ARID2: variants seen among roughly 807,000 people sequenced by gnomAD.
The protein encoded by ARID2 is AT-rich interaction domain 2.
ARID2 carries 32 observed loss-of-function variants against 184.6 expected under a neutral mutation model. The ratio of observed to expected loss-of-function variants is 0.17; its 90% CI spans 0.13 to 0.23. The LOEUF is 0.23. Ranked by LOEUF, ARID2 falls within the 10% of genes least tolerant of loss-of-function variation. The pLI is 1.00. For missense variants in ARID2, 1,696 were observed against 2,197.6 expected (o/e 0.77, Z 4.56); for synonymous variants, 836 against 772.6 (o/e 1.08, Z -1.36).
At chr12:45,823,792 A>C (rs1414886478) in intron 6 of ARID2, among the ~76,000 whole-genome samples, 3 of 152,168 alleles carry the variant, frequency 2.0e-5, no homozygotes, top group African/African-American at 7.2e-5. Context: ...ATCAGTAATA[A>C]AAAGTTTCTC....
chr12:45,799,948 C>A (rs1942464273), intron 3 of ARID2, among the ~76,000 whole-genome samples: 1 of 152,124 alleles, frequency 6.6e-6, no homozygotes, highest in Non-Finnish European at 1.5e-5. Context: ...TTCCCAGGCT[C>A]AAGTGATTCT....
chr12:45,736,872 T>C (rs1042611607), intron 3 of ARID2, among the ~76,000 whole-genome samples: 2 of 152,218 alleles, frequency 1.3e-5, no homozygotes, highest in Non-Finnish European at 2.9e-5. Context: ...GAAACATTAC[T>C]ACTTCTCTTC....
chr12:45,811,140 C>T (rs1386874538), intron 3 of ARID2, among the ~76,000 whole-genome samples: 2 of 150,588 alleles, frequency 1.3e-5, no homozygotes, highest in African/African-American at 2.4e-5. Flanking sequence ...TCCCTGGAGG[C>T]GGAGCTTGCA....
intron 3 of ARID2, among the ~76,000 whole-genome samples, chr12:45,793,356 CTTTTTTA>C (rs1942328868): frequency 1.3e-5 from 2 of 148,226 alleles, no homozygotes; most frequent in African/African-American, 2.5e-5. Flanking sequence ...CTTTTTTTCT[CTTTTTTA>C]TCTTGTTTGA....
rs748742970 is a variant in ARID2, at chr12:45,817,913, T to C, written c.637+25T>C. 6 of 1,558,132 alleles carry C rather than the reference T, an allele frequency of 3.9e-6. No homozygotes were observed. The East Asian group carries it at 9.1e-5, about 24-fold the overall frequency. On this transcript the variant is annotated intron_variant, in intron 5 of 20. Coordinates refer to ENST00000334344, the MANE Select transcript of ARID2 (RefSeq NM_152641.4). ...AGTAAGTTTTAAGCTGAATGTATTA[T>C]ATAATTCTTCTGTAAAAGTTTTTTT...
At chr12:45,763,718 T>C (rs1385434331) in intron 3 of ARID2, among the ~76,000 whole-genome samples, 1 of 152,148 alleles carries the variant, frequency 6.6e-6, no homozygotes. Flanking sequence ...TTTCAGCTCC[T>C]GGCCTCAAGC....
intron 20 of ARID2, among the ~76,000 whole-genome samples, chr12:45,902,535 ATT>A (rs113598888): frequency 2.8e-5 from 4 of 145,390 alleles, no homozygotes; most frequent in Admixed American, 6.9e-5. Flanking sequence ...TATTTTGTAA[ATT>A]TTTTTTTTTT....
At chr12:45,777,630 C>A (rs1192659149) in intron 3 of ARID2, among the ~76,000 whole-genome samples, 1 of 151,694 alleles carries the variant, frequency 6.6e-6, no homozygotes, top group Non-Finnish European at 1.5e-5. Context: ...TGAGTCTATC[C>A]CTAATTATCT....
chr12:45,874,376 T>G (rs1943976459), intron 16 of ARID2: 2 of 180,004 alleles, frequency 1.1e-5, no homozygotes, highest in South Asian at 2.5e-4. Context: ...ACCCTGCTGC[T>G]ATGTTATCAA....
chr12:45,857,698 T>C (rs1391000009), intron 15 of ARID2, among the ~76,000 whole-genome samples: 5 of 152,178 alleles, frequency 3.3e-5, no homozygotes, highest in Admixed American at 6.5e-5. Flanking sequence ...TCTATTACTG[T>C]CTTAATTCTC....
At position 45,877,698 on chromosome 12, in the gene ARID2, GTC is replaced by G. The variant is rs199814176; in HGVS notation, c.4923-14081_4923-14080del. ...CCTTATACTATGTCCTTTACATACT[GTC>G]ACTCATTTCACTTATCTGTAAGCTA... On this transcript the variant is annotated intron_variant, in intron 16 of 20. Transcript: ENST00000334344. Among the ~76,000 whole-genome samples, 920 of 152,060 alleles carry G rather than the reference GTC, an allele frequency of 6.1e-3. 16 individuals carry two copies. Among genetic ancestry groups the G allele is most frequent in the African/African-American group, 0.021 (858 of 41,452 alleles).
intron 3 of ARID2, among the ~76,000 whole-genome samples, chr12:45,762,112 T>G (rs948118328): frequency 1.3e-5 from 2 of 152,236 alleles, no homozygotes; most frequent in Non-Finnish European, 2.9e-5. Flanking sequence ...TATGACTGTT[T>G]AAAGTTTTTT....
chr12:45,854,323 CA>C (rs977907012), intron 15 of ARID2, among the ~76,000 whole-genome samples: 7 of 152,126 alleles, frequency 4.6e-5, no homozygotes, highest in African/African-American at 1.7e-4. Flanking sequence ...TGTATCACCC[CA>C]AAACCATCTC....
rs148899436 is a variant in ARID2 at position 45,810,693 on chromosome 12, G to T, written c.285-725G>T. On this transcript the variant is annotated intron_variant, in intron 3 of 20. Transcript: ENST00000334344. ...ATTCTCAGAAAATATACTCAGGTTT[G>T]CACATGAACCTGTTGTTATTGCTGA... Among the ~76,000 whole-genome samples, 1,246 of 152,200 alleles carry T rather than the reference G, an allele frequency of 8.2e-3. 18 individuals are homozygous for T. The highest frequency in any genetic ancestry group is 0.029 in the African/African-American group (1,200 of 41,524).
At chr12:45,753,031 C>T (rs572202365) in intron 3 of ARID2, among the ~76,000 whole-genome samples, 11 of 152,216 alleles carry the variant, frequency 7.2e-5, no homozygotes, top group African/African-American at 2.2e-4. Flanking sequence ...GAGGCTGAGG[C>T]GGGCGGATCA....
intron 6 of ARID2, among the ~76,000 whole-genome samples, chr12:45,831,599 T>C (rs1370408135): frequency 6.6e-6 from 1 of 152,188 alleles, no homozygotes; most frequent in East Asian, 1.9e-4. Context: ...TGCTATCAGA[T>C]ACTAAATCTT....
In ARID2 at chr12:45,875,224, A is replaced by G. The variant is rs1943991470; in HGVS notation, c.4922+14275A>G. 2.0e-5 allele frequency among the ~76,000 whole-genome samples: 3 copies of G among 152,368 alleles called. No homozygotes were observed. In the South Asian group the frequency reaches 6.2e-4, roughly 32 times the overall value. On this transcript the variant is annotated intron_variant, in intron 16 of 20. Transcript: ENST00000334344. Reference sequence around the variant, plus strand: ...AACATTCATATCCTTGTAGAGCTCCATCAGAGCTCTTGGGCACCTAGATAC... The same window carrying G: ...AACATTCATATCCTTGTAGAGCTCCGTCAGAGCTCTTGGGCACCTAGATAC...
rs1943577510 is a variant in ARID2 at position 45,852,663 on chromosome 12, A to G, written c.4540A>G (p.Thr1514Ala). 6.2e-7 allele frequency: 1 copy of G among 1,614,142 alleles called. No individual in the cohort carries two copies. The highest frequency in any genetic ancestry group is 8.5e-7 in the Non-Finnish European group (1 of 1,179,994). ...RSTNGTAECK[T>A]VKRPAEDTDR... is the part of the protein sequence containing the mutation. Reference sequence around the variant, plus strand: ...TACAAATGGCACAGCAGAATGCAAAACTGTAAAGAGGCCAGCAGAGGATAC... The same window carrying G: ...TACAAATGGCACAGCAGAATGCAAAGCTGTAAAGAGGCCAGCAGAGGATAC... Residue 1514 changes from threonine (T) to alanine (A), a missense_variant, in exon 15 of 21, where the codon ACT (threonine) becomes GCT (alanine). Coordinates refer to ENST00000334344, the MANE Select transcript of ARID2 (RefSeq NM_152641.4).
At chr12:45,746,382 A>T (rs1941355719) in intron 3 of ARID2, among the ~76,000 whole-genome samples, 1 of 152,092 alleles carries the variant, frequency 6.6e-6, no homozygotes, top group South Asian at 2.1e-4. Flanking sequence ...AAGTGTTGGG[A>T]TTGCAGACCT....
Sources: allele counts gnomAD v4.1 joint callset (sites outside exome capture counted in the v4.1 genomes callset), GRCh38; gene constraint gnomAD v4.1.1; transcripts MANE v1.5; gene names NCBI Gene and HGNC (gene_info 2026-07-23, HGNC 2026-07-21).